The following ALG5 variants were observed in gnomAD, a reference collection of about 807,000 sequenced individuals.
ALG5 encodes the protein dolichyl-phosphate beta-glucosyltransferase.
In ALG5, 26 loss-of-function variants were observed where a neutral mutation model predicts 51.8. The ratio of observed to expected loss-of-function variants is 0.50; its 90% CI spans 0.37 to 0.70. The LOEUF (loss-of-function observed/expected upper bound fraction) is 0.70. Among genes scored for constraint, ALG5 ranks in the 30% least tolerant of loss-of-function variants. The probability of loss-of-function intolerance (pLI) is 0.00; values close to 1 mark genes in which losing one functional copy is unlikely to be tolerated. For synonymous variants in ALG5, 141 were observed against 136.1 expected, an observed-to-expected ratio of 1.04 and a Z score of -0.25; for missense variants, 311 against 399.3, an observed-to-expected ratio of 0.78 and a Z score of 1.88.
At chr13:36,999,200 C>T (rs2059071361) in intron 1 of ALG5, 35 bp downstream of exon 1, 3 of 1,542,628 alleles carry the variant, frequency 1.9e-6, no homozygotes, top group African/African-American at 1.4e-5. Context: ...GAGCGGTAAG[C>T]CCCGGCCTGC....
intron 4 of ALG5, among the ~76,000 whole-genome samples, chr13:36,993,353 T>C (rs986416923): frequency 1.3e-5 from 2 of 152,198 alleles, no homozygotes; most frequent in African/African-American, 4.8e-5. Flanking sequence ...GCAACGAAGG[T>C]TCCTACCCTA....
chr13:36,952,343 G>T (rs2058822114), intron 9 of ALG5, among the ~76,000 whole-genome samples, 171 bp downstream of exon 9: 1 of 152,206 alleles, frequency 6.6e-6, no homozygotes, highest in Non-Finnish European at 1.5e-5. Context: ...AAGGCAGCAA[G>T]CCAGATGGAA....
At chr13:36,969,698 C>A (rs2058912411) in intron 7 of ALG5, among the ~76,000 whole-genome samples, 1 of 151,914 alleles carries the variant, frequency 6.6e-6, no homozygotes, top group Admixed American at 6.6e-5. Context: ...CCACACCCAG[C>A]TAGTTTTTGT....
chr13:36,997,874 C>A (rs924891473), intron 1 of ALG5, among the ~76,000 whole-genome samples: 1 of 152,044 alleles, frequency 6.6e-6, no homozygotes, highest in Non-Finnish European at 1.5e-5. Flanking sequence ...TTAATGATTT[C>A]TTGCTCTGGC....
chr13:36,978,319 T>A (rs1566063775), intron 6 of ALG5, among the ~76,000 whole-genome samples: 1 of 151,264 alleles, frequency 6.6e-6, no homozygotes, highest in Non-Finnish European at 1.5e-5. Flanking sequence ...CCCAAGTAGC[T>A]GGGATTATGG....
intron 8 of ALG5, among the ~76,000 whole-genome samples, chr13:36,964,215 G>T (rs532978826): frequency 1.3e-5 from 2 of 152,230 alleles, no homozygotes; most frequent in East Asian, 3.9e-4. Flanking sequence ...GGCGTGGTTA[G>T]AAAAGAAAAG....
At chr13:36,967,356 C>CCTCA (rs1002954380) in intron 7 of ALG5, among the ~76,000 whole-genome samples, 38 of 152,208 alleles carry the variant, frequency 2.5e-4, no homozygotes, top group African/African-American at 9.1e-4. Flanking sequence ...AAGTCCATTT[C>CCTCA]CTGATAAAAT....
At chr13:36,967,180 G>A (rs1276327548) in intron 7 of ALG5, among the ~76,000 whole-genome samples, 13 of 148,264 alleles carry the variant, frequency 8.8e-5, no homozygotes, top group African/African-American at 2.8e-4. Flanking sequence ...CCGAGATGGC[G>A]CCACTGTACC....
intron 1 of ALG5, among the ~76,000 whole-genome samples, chr13:36,995,922 T>C (rs1487525860): frequency 1.3e-5 from 2 of 152,180 alleles, no homozygotes; most frequent in Non-Finnish European, 2.9e-5. Flanking sequence ...TACTCTCAGG[T>C]GCCCTAAAAC....
At chr13:36,957,635 C>T (rs1159391310) in intron 8 of ALG5, among the ~76,000 whole-genome samples, 2 of 152,116 alleles carry the variant, frequency 1.3e-5, no homozygotes, top group African/African-American at 2.4e-5. Flanking sequence ...GCTCTGTTGC[C>T]TACAGCCTTA....
chr13:36,950,310 T>C (rs867661713), intron 9 of ALG5, among the ~76,000 whole-genome samples: 5 of 152,164 alleles, frequency 3.3e-5, no homozygotes, highest in South Asian at 4.1e-4. Flanking sequence ...GGCCCTACTA[T>C]AGAAAGGAAG....
In ALG5 at chr13:36,974,141, G is replaced by A. The variant is rs546503533; in HGVS notation, c.562-2105C>T. Among the ~76,000 whole-genome samples the A allele has an allele frequency of 2.4e-4, 36 of 152,242 alleles. No homozygotes were observed. The South Asian group carries it at 6.8e-3, about 29-fold the overall frequency. ...TGCATAAATATAGTGCAATCTCCAA[G>A]ACACATTGTTAAGTAGAAACAAGAG... On this transcript the variant is annotated intron_variant, in intron 6 of 9. Coordinates refer to ENST00000239891, the MANE Select transcript of ALG5 (RefSeq NM_013338.5).
chr13:36,984,024 ACTAGGT>A (rs1189576589), intron 6 of ALG5, among the ~76,000 whole-genome samples: 11 of 151,896 alleles, frequency 7.2e-5, no homozygotes, highest in Non-Finnish European at 1.6e-4. Context: ...TCAGTTCTAA[ACTAGGT>A]CTATTTCATT....
chr13:36,975,927 A>G (rs1187911716), intron 6 of ALG5, among the ~76,000 whole-genome samples: 4 of 151,726 alleles, frequency 2.6e-5, no homozygotes, highest in African/African-American at 9.7e-5. Context: ...AGGCCAAGGC[A>G]GGAACCACTG....
chr13:36,989,119 T>C (rs56144956), intron 5 of ALG5, among the ~76,000 whole-genome samples: 1,636 of 152,322 alleles, frequency 0.011, 26 homozygotes, highest in African/African-American at 0.037. Flanking sequence ...AAATTCATCT[T>C]AGTTCATGCT....
intron 6 of ALG5, among the ~76,000 whole-genome samples, chr13:36,979,625 T>G (rs549115843): frequency 2.0e-5 from 3 of 152,160 alleles, no homozygotes; most frequent in Non-Finnish European, 4.4e-5. Context: ...GAGTTGTGCG[T>G]GTAGTTAAGA....
chr13:36,951,150 T>G (rs957261753), intron 9 of ALG5, among the ~76,000 whole-genome samples: 1 of 152,160 alleles, frequency 6.6e-6, no homozygotes, highest in Non-Finnish European at 1.5e-5. Flanking sequence ...ACAAGACAAC[T>G]ATCTCTGTAA....
intron 6 of ALG5, among the ~76,000 whole-genome samples, chr13:36,983,467 G>T (rs184901499): frequency 1.1e-3 from 167 of 152,052 alleles, no homozygotes; most frequent in East Asian, 8.1e-3. Context: ...TACAACAAGC[G>T]GGGCATGGTG....
At chr13:36,994,842 T>A (rs2059041698) in intron 3 of ALG5, 147 bp downstream of exon 3, 1 of 675,336 alleles carries the variant, frequency 1.5e-6, no homozygotes, top group African/African-American at 1.8e-5. Context: ...GCCGGGCTTA[T>A]GGATAGCAAC....
Sources: gnomAD v4.1 joint callset for allele counts (sites outside exome capture counted in the v4.1 genomes callset) on GRCh38, gnomAD v4.1.1 for gene constraint, MANE v1.5 for transcripts, NCBI Gene and HGNC (gene_info 2026-07-23, HGNC 2026-07-21) for gene names.